The following ACSF3 variants were observed in gnomAD, a reference collection of about 807,000 sequenced individuals.
ACSF3 encodes acyl-CoA synthetase family member 3.
Under a neutral mutation model 53.2 loss-of-function variants are expected in ACSF3, and 78 were observed. That is an observed-to-expected ratio of 1.47 (90% CI 1.22 to 1.77). The LOEUF (loss-of-function observed/expected upper bound fraction) is 1.77, where lower values mean the gene tolerates loss of function less well. Ranked by LOEUF, ACSF3 falls within the 40% of genes most tolerant of loss-of-function variation. ACSF3 has a pLI of 0.00. For missense variants in ACSF3, 937 were observed against 771.1 expected (o/e 1.22, Z -2.55); for synonymous variants, 414 against 333.1 (o/e 1.24, Z -2.65).
At position 89,155,304 on chromosome 16, in the gene ACSF3, TGGCCAGAAACGAGTGTGCCGGGCAGGA is replaced by T. The variant is rs1478793221; in HGVS notation, c.*1104_*1130del. The T allele has an allele frequency of 2.2e-6, 1 of 453,478 alleles. No homozygotes were observed. The highest frequency in any genetic ancestry group is 2.3e-5 in the Admixed American group (1 of 42,554). 28.1% of individuals were successfully genotyped at this position (453,478 alleles called of 1,614,324 possible). ...CCCCCGGAATGCACGTCTGAAAGAG[TGGCCAGAAACGAGTGTGCCGGGCAGGA>T]GGCCAGCCCCATCTCAGGCTCACGT... On this transcript the variant is annotated 3_prime_UTR_variant, in exon 11 of 11. Coordinates refer to ENST00000614302, the MANE Select transcript of ACSF3 (RefSeq NM_001243279.3).
At position 89,133,220 on chromosome 16, in the gene ACSF3, G is replaced by A; in HGVS notation, c.1324G>A (p.Glu442Lys). 3 of 1,614,152 alleles carry A rather than the reference G, an allele frequency of 1.9e-6. No homozygotes were observed. Among genetic ancestry groups the A allele is most frequent in the Non-Finnish European group, 2.5e-6 (3 of 1,180,032 alleles). The change falls in exon 8 of 11, where the codon GAA (glutamate) becomes AAA (lysine). Residue 442 changes from glutamate to lysine, a missense_variant. Transcript: ENST00000614302. ...TCGAGAATACTGGAATAAACCAGAA[G>A]AAACTAAGAGTGCATTCACCCTGGA... ...VFREYWNKPE[E>K]TKSAFTLDGW... is the part of the protein sequence containing the mutation.
intron 4 of ACSF3, among the ~76,000 whole-genome samples, chr16:89,104,645 TCTC>T (rs1201702295): frequency 5.9e-5 from 9 of 152,136 alleles, no homozygotes. Flanking sequence ...CCCATCCTCT[TCTC>T]TGCAGGGCAT....
chr16:89,155,447 G>A lies in ACSF3; in HGVS notation c.*1240G>A, dbSNP rs545703737. On this transcript the variant is annotated 3_prime_UTR_variant, in exon 11 of 11. Transcript: ENST00000614302. Reference sequence around the variant, plus strand: ...GGGCCCCTGCTCACTTGAGCATGTCGCCCACCAAGCTTGTCTGAGGCCACA... The same window carrying A: ...GGGCCCCTGCTCACTTGAGCATGTCACCCACCAAGCTTGTCTGAGGCCACA... 1.0e-4 allele frequency: 46 copies of A among 454,130 alleles called. No individual in the cohort carries two copies. Among genetic ancestry groups the A allele is most frequent in the Middle Eastern group, 1.4e-3 (2 of 1,444 alleles). The allele number at this position is 454,130 out of a possible 1,614,324, so 28.1% of individuals were successfully genotyped here.
chr16:89,107,721 C>T (rs796636455), intron 4 of ACSF3, among the ~76,000 whole-genome samples: 5 of 152,266 alleles, frequency 3.3e-5, no homozygotes, highest in South Asian at 2.1e-4. Context: ...CCCTTGGATC[C>T]GCAACTCCCA....
intron 10 of ACSF3, chr16:89,149,984 A>C (rs949971959): frequency 3.9e-5 from 6 of 152,150 alleles, no homozygotes; most frequent in African/African-American, 1.4e-4. Context: ...TAATTTATAA[A>C]GAAAAGAGGT....
At chr16:89,102,944 T>G (rs1375935133) in intron 4 of ACSF3, among the ~76,000 whole-genome samples, 185 bp downstream of exon 4, 1 of 152,216 alleles carries the variant, frequency 6.6e-6, no homozygotes, top group Non-Finnish European at 1.5e-5. Flanking sequence ...ACAGGGGACG[T>G]GCCAATGCCG....
chr16:89,121,614 A>G (rs1906669360), intron 7 of ACSF3, among the ~76,000 whole-genome samples: 1 of 152,236 alleles, frequency 6.6e-6, no homozygotes, highest in Admixed American at 6.5e-5. Flanking sequence ...TGAAGCCAGT[A>G]TCCACACCTG....
intron 6 of ACSF3, among the ~76,000 whole-genome samples, chr16:89,117,679 G>A (rs898001241): frequency 3.3e-5 from 5 of 151,970 alleles, no homozygotes; most frequent in Non-Finnish European, 5.9e-5. Flanking sequence ...CGTCCACACC[G>A]AGGGCGCCAA....
At chr16:89,148,110 T>G (rs1913454138) in intron 10 of ACSF3, 1 of 148,506 alleles carries the variant, frequency 6.7e-6, no homozygotes, top group Non-Finnish European at 1.5e-5. Context: ...GGTTTTTTTT[T>G]TTTTTTTTTT....
chr16:89,122,521 C>A (rs184031635), intron 7 of ACSF3: 5 of 347,300 alleles, frequency 1.4e-5, no homozygotes, highest in African/African-American at 1.1e-4. Context: ...CCTGCAGTGC[C>A]CCTGCCCCCA....
At chr16:89,136,640 C>T (rs1219092217) in intron 8 of ACSF3, 1 of 1,287,122 alleles carries the variant, frequency 7.8e-7, no homozygotes, top group African/African-American at 1.5e-5. Flanking sequence ...CCGAGGCCGG[C>T]CTGCAGCTCC....
intron 7 of ACSF3, among the ~76,000 whole-genome samples, chr16:89,121,633 CAT>C (rs1567713365): frequency 1.3e-5 from 2 of 152,230 alleles, no homozygotes; most frequent in Admixed American, 6.5e-5. Flanking sequence ...TGATACCACA[CAT>C]GATTGACTGT....
intron 3 of ACSF3, among the ~76,000 whole-genome samples, chr16:89,101,559 G>A (rs941119482): frequency 1.3e-5 from 2 of 152,206 alleles, no homozygotes; most frequent in Non-Finnish European, 2.9e-5. Context: ...GAGCGTCCAG[G>A]TGTAGAGGGA....
At chr16:89,137,509 C>T (rs1435195793) in intron 8 of ACSF3, among the ~76,000 whole-genome samples, 37 of 126,890 alleles carry the variant, frequency 2.9e-4, no homozygotes, top group African/African-American at 1.0e-3. Flanking sequence ...CCCCAGGTCT[C>T]GGGAGGACCA....
At position 89,155,362 on chromosome 16, in the gene ACSF3, T is replaced by C. The variant is rs1914606482; in HGVS notation, c.*1155T>C. ...GCCCCATCTCAGGCTCACGTGCCTC[T>C]GACAGGAGACCAGCCCCATCTCAGG... On this transcript the variant is annotated 3_prime_UTR_variant, in exon 11 of 11. Coordinates refer to ENST00000614302, the MANE Select transcript of ACSF3 (RefSeq NM_001243279.3). The C allele has an allele frequency of 2.2e-6, 1 of 451,454 alleles. No individual in the cohort carries two copies. Among genetic ancestry groups the C allele is most frequent in the Non-Finnish European group, 4.4e-6 (1 of 224,754 alleles). The allele number at this position is 451,454 out of a possible 1,614,324, so 28.0% of individuals were successfully genotyped here.
intron 7 of ACSF3, among the ~76,000 whole-genome samples, chr16:89,127,836 G>A (rs1227403697): frequency 1.3e-5 from 2 of 152,122 alleles, no homozygotes; most frequent in African/African-American, 2.4e-5. Flanking sequence ...TTCAGGCCAC[G>A]AAACCATTAA....
intron 8 of ACSF3, 143 bp downstream of exon 8, chr16:89,133,405 G>A (rs753138556): frequency 2.8e-5 from 33 of 1,182,500 alleles, no homozygotes; most frequent in Non-Finnish European, 3.7e-5. Context: ...GGGGCTGGGG[G>A]CCACTGTTAC....
chr16:89,147,594 T>G (rs73256075), intron 10 of ACSF3: 8,871 of 98,122 alleles, frequency 0.09, 1,021 homozygotes, highest in East Asian at 0.48. Context: ...GAGAGGGAGG[T>G]GCCACGCACT....
At chr16:89,134,457 C>T (rs898469681) in intron 8 of ACSF3, among the ~76,000 whole-genome samples, 7 of 152,224 alleles carry the variant, frequency 4.6e-5, no homozygotes, top group South Asian at 4.2e-4. Flanking sequence ...GGACACCCTG[C>T]GGGATCCGGA....
Sources: allele counts gnomAD v4.1 joint callset (sites outside exome capture counted in the v4.1 genomes callset), GRCh38; gene constraint gnomAD v4.1.1; transcripts MANE v1.5; gene names NCBI Gene and HGNC (gene_info 2026-07-23, HGNC 2026-07-21).